Variants in INPP5B observed in about 807,000 individuals in gnomAD.
INPP5B encodes inositol polyphosphate-5-phosphatase B.
A neutral mutation model predicts 118.5 loss-of-function variants in INPP5B; 90 were observed. The ratio of observed to expected loss-of-function variants is 0.76; its 90% CI spans 0.64 to 0.90. INPP5B has a LOEUF of 0.90. Among genes scored for constraint, INPP5B ranks in the 40% least tolerant of loss-of-function variants. The probability of loss-of-function intolerance (pLI) is 0.00; values close to 1 mark genes in which losing one functional copy is unlikely to be tolerated. For missense variants in INPP5B, 984 were observed against 1,125.6 expected, an observed-to-expected ratio of 0.87 and a Z score of 1.80; for synonymous variants, 385 against 418.9, an observed-to-expected ratio of 0.92 and a Z score of 0.99.
intron 7 of INPP5B, among the ~76,000 whole-genome samples, chr1:37,916,413 T>C (rs897259087): frequency 2.1e-5 from 3 of 143,660 alleles, no homozygotes; most frequent in African/African-American, 8.0e-5. Context: ...TTTCTTTCAT[T>C]TTTTTTTTTT....
At chr1:37,880,311 A>T in intron 14 of INPP5B, 117 bp from the exon 15 acceptor site, 1 of 704,738 alleles carries the variant, frequency 1.4e-6, no homozygotes, top group African/African-American at 1.8e-5. Context: ...AAAAGCCCCA[A>T]AAGAAAGTTA....
intron 14 of INPP5B, among the ~76,000 whole-genome samples, chr1:37,880,591 C>T (rs552661918): frequency 3.5e-4 from 53 of 152,214 alleles, no homozygotes; most frequent in Non-Finnish European, 5.0e-4. Context: ...GCGCATGCCA[C>T]CACGCCTGGC....
chr1:37,939,287 C>A (rs1010262931), intron 6 of INPP5B, among the ~76,000 whole-genome samples: 1 of 151,226 alleles, frequency 6.6e-6, no homozygotes, highest in Admixed American at 6.6e-5. Flanking sequence ...TTGCTTGAAC[C>A]GGGGAGGTGG....
In INPP5B at chr1:37,919,139, G is replaced by A. The variant is rs1332182699; in HGVS notation, c.532+12774C>T. Among the ~76,000 whole-genome samples the A allele has an allele frequency of 2.0e-5, 3 of 152,242 alleles. No homozygotes were observed. The East Asian group carries it at 5.8e-4, about 29-fold the overall frequency. Reference sequence around the variant, plus strand: ...TCAATGAAACTATAAACTCCCAAGGGTAAGTACGATGTGAATAGAAGGTTT... The same window carrying A: ...TCAATGAAACTATAAACTCCCAAGGATAAGTACGATGTGAATAGAAGGTTT... On this transcript the variant is annotated intron_variant, in intron 7 of 23. Transcript: ENST00000373024.
At chr1:37,896,383 G>C (rs1644065677) in intron 7 of INPP5B, among the ~76,000 whole-genome samples, 2 of 151,980 alleles carry the variant, frequency 1.3e-5, no homozygotes, top group Admixed American at 1.3e-4. Context: ...GAAGTGAGGA[G>C]CGTCTCCGCC....
At chr1:37,863,021 C>G (rs531555270) in intron 23 of INPP5B, among the ~76,000 whole-genome samples, 1 of 152,276 alleles carries the variant, frequency 6.6e-6, no homozygotes, top group South Asian at 2.1e-4. Flanking sequence ...CACCCCGTGT[C>G]CCCAGTGGGG....
intron 6 of INPP5B, among the ~76,000 whole-genome samples, chr1:37,932,997 C>T (rs1393953416): frequency 6.6e-6 from 1 of 152,152 alleles, no homozygotes; most frequent in African/African-American, 2.4e-5. Context: ...TGCTCTTAAC[C>T]CTCCTGCTAT....
In INPP5B at chr1:37,946,286, T is replaced by C. The variant is rs748568127; in HGVS notation, c.23A>G (p.Gln8Arg). 1.2e-6 allele frequency: 2 copies of C among 1,612,246 alleles called. No homozygotes were observed. The highest frequency in any genetic ancestry group is 2.2e-5 in the South Asian group (2 of 90,432). MDQSVAI[Q>R]ETLAEGEYCV... ...GTATTCCCCCTCAGCCAGCGTCTCC[T>C]GGATTGCCACAGACTGGTCCATGCT... The change falls in exon 2 of 24, where the codon CAG becomes CGG. Residue 8 changes from glutamine to arginine, a missense_variant. Around this residue, in one of 2 missense-constraint regions of INPP5B, gnomAD observed 350 missense variants for 334.6 expected, o/e 1.05. Coordinates refer to ENST00000373024, the MANE Select transcript of INPP5B (RefSeq NM_005540.3).
In INPP5B at chr1:37,866,406, T is replaced by TCTCTCTCTCTCACA; in HGVS notation, c.2386+52_2386+53insTGTGAGAGAGAGAG. 9.9e-6 allele frequency: 4 copies of TCTCTCTCTCTCACA among 402,460 alleles called. No homozygotes were observed. In the South Asian group the frequency reaches 1.6e-4, roughly 16 times the overall value. The allele number at this position is 402,460 out of a possible 1,614,324, so 24.9% of individuals were successfully genotyped here. On this transcript the variant is annotated intron_variant, in intron 21 of 23. Transcript: ENST00000373024. The stretch of plus-strand genomic sequence containing the variant: ...CATATTCTCTCTCTCTCTCTCTCTC[T>TCTCTCTCTCTCACA]CACACACACACACACACACACACAC...
intron 5 of INPP5B, 23 bp downstream of exon 5, chr1:37,943,617 C>A: frequency 6.2e-7 from 1 of 1,613,604 alleles, no homozygotes; most frequent in Admixed American, 1.7e-5. Context: ...CCGAGTGGGA[C>A]CCAGACCAAG....
chr1:37,942,520 T>C (rs572693820), intron 5 of INPP5B, among the ~76,000 whole-genome samples: 10 of 151,932 alleles, frequency 6.6e-5, no homozygotes, highest in African/African-American at 2.2e-4. Context: ...CATTATTTGC[T>C]TCTATTATTA....
At chr1:37,916,577 C>A (rs201749047) in intron 7 of INPP5B, among the ~76,000 whole-genome samples, 4 of 151,668 alleles carry the variant, frequency 2.6e-5, no homozygotes, top group African/African-American at 9.7e-5. Flanking sequence ...CCACTACGCC[C>A]GGCTAATTTT....
At position 37,873,340 on chromosome 1, in the gene INPP5B, T is replaced by TA. The variant is rs3830229; in HGVS notation, c.1952-176_1952-175insT. The TA allele has an allele frequency of 0.27, 164,971 of 602,320 alleles. 24,025 individuals carry two copies. Among genetic ancestry groups the TA allele is most frequent in the East Asian group, 0.31 (11,224 of 36,220 alleles). The allele number at this position is 602,320 out of a possible 1,614,324, so 37.3% of individuals were successfully genotyped here. A position where few individuals can be genotyped will look rare whatever the true frequency, so the allele number is the denominator to read the frequency against. ...ATGCAGGAGACACAAGAACAAAGAGTTTATAGTCCAACTGGGAATATGAAA... is the reference window on the plus strand; with the variant it reads ...ATGCAGGAGACACAAGAACAAAGAGTATTATAGTCCAACTGGGAATATGAAA... On this transcript the variant is annotated intron_variant, in intron 18 of 23. Transcript: ENST00000373024.
At chr1:37,931,308 A>C (rs1570361856) in intron 7 of INPP5B, 1 of 710,556 alleles carries the variant, frequency 1.4e-6, no homozygotes, top group Non-Finnish European at 2.1e-6. Flanking sequence ...CCACTCCCCC[A>C]CCCGCCCCAC....
Position 37,861,212 on chromosome 1 carries a change from C to CG in INPP5B, c.*1102dup, listed in dbSNP as rs915445334. Reference sequence around the variant, plus strand: ...TATTGAGCCATTATCTGGGCAGGAACGGGGGTCGAGTTTGCATATGCATAT... The same window carrying CG: ...TATTGAGCCATTATCTGGGCAGGAACGGGGGGTCGAGTTTGCATATGCATAT... On this transcript the variant is annotated 3_prime_UTR_variant, in exon 24 of 24. Transcript: ENST00000373024. 1.3e-5 allele frequency: 2 copies of CG among 152,156 alleles called. No individual in the cohort carries two copies. The highest frequency in any genetic ancestry group is 2.9e-5 in the Non-Finnish European group (2 of 68,036). 9.4% of individuals were successfully genotyped at this position (152,156 alleles called of 1,614,324 possible).
intron 7 of INPP5B, among the ~76,000 whole-genome samples, chr1:37,896,683 G>C (rs1293420882): frequency 5.0e-4 from 68 of 135,558 alleles, no homozygotes; most frequent in Non-Finnish European, 8.7e-4. Flanking sequence ...GGGAAGTGAG[G>C]AGCCCCTCTG....
chr1:37,918,601 C>G (rs1199679462), intron 7 of INPP5B, among the ~76,000 whole-genome samples: 5 of 152,164 alleles, frequency 3.3e-5, no homozygotes, highest in Non-Finnish European at 2.9e-5. Flanking sequence ...AAACATTAGA[C>G]TGTTTTGGAA....
chr1:37,942,508 C>G (rs1163068176), intron 5 of INPP5B, among the ~76,000 whole-genome samples: 2 of 151,932 alleles, frequency 1.3e-5, no homozygotes, highest in African/African-American at 4.9e-5. Context: ...TAATCATTAA[C>G]TCATTATTTG....
chr1:37,940,641 A>C, intron 6 of INPP5B, 47 bp downstream of exon 6: 3 of 1,107,842 alleles, frequency 2.7e-6, no homozygotes, highest in Non-Finnish European at 2.8e-6. Flanking sequence ...GGGTAGGTGA[A>C]TACCCAGCAA....
Sources: allele counts gnomAD v4.1 joint callset (sites outside exome capture counted in the v4.1 genomes callset), GRCh38; gene constraint gnomAD v4.1.1; regional missense constraint gnomAD v4.1.1; transcripts MANE v1.5; gene names NCBI Gene and HGNC (gene_info 2026-07-23, HGNC 2026-07-21).